The following PREX2 variants were observed in gnomAD, a reference collection of about 807,000 sequenced individuals.
The protein encoded by PREX2 is phosphatidylinositol 3,4,5-trisphosphate-dependent Rac exchanger 2 protein.
A neutral mutation model predicts 203.2 loss-of-function variants in PREX2; 107 were observed. That is an observed-to-expected ratio of 0.53 (90% CI 0.45 to 0.62). PREX2 has a LOEUF of 0.62. Ranked by LOEUF, PREX2 falls within the 20% of genes least tolerant of loss-of-function variation. PREX2 has a pLI of 0.00. For missense variants in PREX2, 1,777 were observed against 1,955.9 expected (o/e 0.91, Z 1.72); for synonymous variants, 672 against 663.6 (o/e 1.01, Z -0.19).
At chr8:68,102,921 G>C (rs370637111) in intron 23 of PREX2, 4 of 517,736 alleles carry the variant, frequency 7.7e-6, no homozygotes, top group African/African-American at 7.7e-5. Flanking sequence ...GCAGGATTTG[G>C]GGACAATTCG....
At chr8:67,983,206 C>A (rs34254476) in intron 1 of PREX2, among the ~76,000 whole-genome samples, 22,671 of 147,518 alleles carry the variant, frequency 0.15, 1,793 homozygotes, top group Middle Eastern at 0.19. Flanking sequence ...AGATTTTGAA[C>A]CTTTGTTTGG....
intron 11 of PREX2, among the ~76,000 whole-genome samples, chr8:68,068,478 A>G (rs1809085458): frequency 6.6e-6 from 1 of 152,098 alleles, no homozygotes; most frequent in African/African-American, 2.4e-5. Flanking sequence ...TAGATACTAA[A>G]TTGATTTAAG....
intron 6 of PREX2, among the ~76,000 whole-genome samples, chr8:68,035,932 GA>G (rs1585725263): frequency 1.3e-5 from 2 of 152,136 alleles, no homozygotes; most frequent in African/African-American, 2.4e-5. Context: ...ATGAATTCTA[GA>G]AGCTGTCAGT....
At chr8:68,086,378 C>T (rs1809692515) in intron 18 of PREX2, among the ~76,000 whole-genome samples, 1 of 152,166 alleles carries the variant, frequency 6.6e-6, no homozygotes, top group African/African-American at 2.4e-5. Flanking sequence ...AACTCTCCCA[C>T]AGCAATTTCA....
chr8:68,115,373 C>T (rs574672030), intron 25 of PREX2, among the ~76,000 whole-genome samples: 15 of 152,098 alleles, frequency 9.9e-5, no homozygotes, highest in Non-Finnish European at 1.6e-4. Context: ...TGCTAATGGC[C>T]AGGGGCTAGA....
At chr8:67,988,619 C>G (rs1806505798) in intron 1 of PREX2, among the ~76,000 whole-genome samples, 1 of 152,228 alleles carries the variant, frequency 6.6e-6, no homozygotes, top group Admixed American at 6.5e-5. Context: ...CCCATCTTCT[C>G]TGTTTCCCAA....
intron 10 of PREX2, among the ~76,000 whole-genome samples, chr8:68,058,071 C>T (rs1252961335): frequency 1.3e-5 from 2 of 152,304 alleles, no homozygotes; most frequent in Admixed American, 1.3e-4. Context: ...CCGCTTACAG[C>T]GCAAGTTTGA....
intron 10 of PREX2, among the ~76,000 whole-genome samples, chr8:68,060,372 C>T (rs892266611): frequency 6.6e-6 from 1 of 152,254 alleles, no homozygotes; most frequent in South Asian, 2.1e-4. Flanking sequence ...TTAATGGTAA[C>T]CTTTTAATTA....
chr8:68,047,615 G>T (rs1229278808), intron 8 of PREX2, among the ~76,000 whole-genome samples: 1 of 150,190 alleles, frequency 6.7e-6, no homozygotes, highest in Non-Finnish European at 1.5e-5. Context: ...GCCTAGGCTG[G>T]ACTTGAACCC....
chr8:67,985,925 G>T (rs906855671), intron 1 of PREX2, among the ~76,000 whole-genome samples: 10 of 152,122 alleles, frequency 6.6e-5, no homozygotes, highest in Non-Finnish European at 1.5e-4. Context: ...GTGGTTTCTA[G>T]CAGGGAACAC....
intron 37 of PREX2, among the ~76,000 whole-genome samples, chr8:68,210,864 G>T (rs1273317953): frequency 1.3e-5 from 2 of 152,114 alleles, no homozygotes; most frequent in East Asian, 3.8e-4. Context: ...AAAGGGGAGG[G>T]TTAACATGTA....
chr8:68,005,307 C>T (rs1807061361), intron 1 of PREX2, among the ~76,000 whole-genome samples: 1 of 152,186 alleles, frequency 6.6e-6, no homozygotes, highest in South Asian at 2.1e-4. Context: ...CACCACCTTA[C>T]CCACAGCACC....
chr8:68,176,364 T>G (rs1811980409), intron 35 of PREX2, among the ~76,000 whole-genome samples: 1 of 152,154 alleles, frequency 6.6e-6, no homozygotes, highest in Admixed American at 6.5e-5. Context: ...GTTTTCAGTT[T>G]GTTTTGGGTA....
intron 39 of PREX2, among the ~76,000 whole-genome samples, chr8:68,230,718 T>C (rs1005532564): frequency 6.6e-6 from 1 of 152,170 alleles, no homozygotes; most frequent in Non-Finnish European, 1.5e-5. Context: ...ATGGTTTAAG[T>C]GGATCCTTGA....
chr8:68,072,676 A>T lies in PREX2; in HGVS notation c.1569+106A>T, dbSNP rs548017201. ...TTTTCATCTGTAGCAGGCATTTAAAAAAAGAAGTACATACAACTAATAGGA... is the reference window on the plus strand; with the variant it reads ...TTTTCATCTGTAGCAGGCATTTAAATAAAGAAGTACATACAACTAATAGGA... On this transcript the variant is annotated intron_variant, in intron 14 of 39. Transcript: ENST00000288368. 48 of 669,356 alleles carry T rather than the reference A, an allele frequency of 7.2e-5. No individual in the cohort carries two copies. In the South Asian group the frequency reaches 9.5e-4, roughly 13 times the overall value. The allele number at this position is 669,356 out of a possible 1,614,324, so 41.5% of individuals were successfully genotyped here.
At chr8:68,164,862 G>A (rs138343082) in intron 35 of PREX2, among the ~76,000 whole-genome samples, 5,507 of 148,698 alleles carry the variant, frequency 0.037, 319 homozygotes, top group African/African-American at 0.13. Flanking sequence ...GATTACAGGT[G>A]TGAGCCACTG....
intron 35 of PREX2, among the ~76,000 whole-genome samples, chr8:68,173,375 T>A (rs995638516): frequency 6.6e-6 from 1 of 152,202 alleles, no homozygotes; most frequent in African/African-American, 2.4e-5. Context: ...CAGATAAAGT[T>A]GAAATTGTAG....
chr8:68,117,684 C>T (rs1450454233), intron 26 of PREX2, among the ~76,000 whole-genome samples: 1 of 152,168 alleles, frequency 6.6e-6, no homozygotes, highest in Non-Finnish European at 1.5e-5. Context: ...ACTTTATCTC[C>T]TGCACTATTT....
intron 35 of PREX2, among the ~76,000 whole-genome samples, chr8:68,166,121 C>G (rs777837209): frequency 6.6e-6 from 1 of 152,168 alleles, no homozygotes; most frequent in Non-Finnish European, 1.5e-5. Context: ...CCTGAATCAT[C>G]TGTCTAAAGA....
Sources: allele counts gnomAD v4.1 joint callset (sites outside exome capture counted in the v4.1 genomes callset), GRCh38; gene constraint gnomAD v4.1.1; transcripts MANE v1.5; gene names NCBI Gene and HGNC (gene_info 2026-07-23, HGNC 2026-07-21).